The following RIMS2 variants were observed in gnomAD, a reference collection of about 807,000 sequenced individuals.
The protein encoded by RIMS2 is regulating synaptic membrane exocytosis protein 2.
RIMS2 carries 59 observed loss-of-function variants against 174.4 expected under a neutral mutation model. The observed-to-expected ratio is 0.34, with a 90% CI of 0.27 to 0.42. The LOEUF (loss-of-function observed/expected upper bound fraction) is 0.42. Among genes scored for constraint, RIMS2 ranks in the 10% least tolerant of loss-of-function variants. RIMS2 has a pLI of 1.00. For synonymous variants in RIMS2, 606 were observed against 572.5 expected, an observed-to-expected ratio of 1.06 and a Z score of -0.84; for missense variants, 1,620 against 1,666.3, an observed-to-expected ratio of 0.97 and a Z score of 0.48.
chr8:103,548,280 C>T lies in RIMS2; in HGVS notation c.176+47218C>T, dbSNP rs73285183. 5.0e-3 allele frequency among the ~76,000 whole-genome samples: 764 copies of T among 152,270 alleles called. 8 individuals carry two copies. Among genetic ancestry groups the T allele is most frequent in the African/African-American group, 0.017 (724 of 41,544 alleles). On this transcript the variant is annotated intron_variant, in intron 1 of 23. Coordinates refer to ENST00000504942, the Ensembl canonical transcript of RIMS2. ...AAATATTCAACAAAATACTAGCAGA[C>T]TGAATCTGACAGCACATCAAAAAGC...
chr8:103,660,041 G>A (rs917324156), intron 1 of RIMS2, among the ~76,000 whole-genome samples: 3 of 152,198 alleles, frequency 2.0e-5, no homozygotes, highest in Admixed American at 2.0e-4. Flanking sequence ...AGAAGATCCT[G>A]TCCTTCTGCA....
At chr8:104,201,724 G>A (rs895117334) in intron 19 of RIMS2, among the ~76,000 whole-genome samples, 15 of 152,138 alleles carry the variant, frequency 9.9e-5, no homozygotes, top group Non-Finnish European at 8.8e-5. Context: ...ATGGGTTCGG[G>A]GCATCTATTT....
chr8:103,876,887 TATATATATATATATATATATATAC>T (rs1352423318), intron 3 of RIMS2, among the ~76,000 whole-genome samples: 2 of 51,566 alleles, frequency 3.9e-5, no homozygotes, highest in East Asian at 9.3e-4. Flanking sequence ...TATATATATA[TATATATATATATATATATATATAC>T]ACACACACCC....
intron 3 of RIMS2, among the ~76,000 whole-genome samples, chr8:103,845,107 TG>T (rs2098960912): frequency 6.6e-6 from 1 of 152,154 alleles, no homozygotes; most frequent in South Asian, 2.1e-4. Flanking sequence ...ACCATTTTAT[TG>T]TTGCTTGTGA....
chr8:103,834,756 TTTTC>T (rs2098858531), intron 3 of RIMS2, among the ~76,000 whole-genome samples: 2 of 141,964 alleles, frequency 1.4e-5, no homozygotes, highest in Admixed American at 7.1e-5. Context: ...CTCTCTTTCT[TTTTC>T]TCTCTCTCTT....
intron 19 of RIMS2, among the ~76,000 whole-genome samples, chr8:104,137,187 C>T (rs984935479): frequency 6.6e-6 from 1 of 152,162 alleles, no homozygotes; most frequent in African/African-American, 2.4e-5. Context: ...CACAGACCAT[C>T]TCTGTTTATA....
intron 2 of RIMS2, among the ~76,000 whole-genome samples, chr8:103,744,840 TG>T (rs771589576): frequency 3.9e-5 from 6 of 152,212 alleles, no homozygotes; most frequent in Non-Finnish European, 5.9e-5. Flanking sequence ...TGACATCTAT[TG>T]GCTTTCCTAC....
At chr8:104,185,903 C>T (rs1291508258) in intron 19 of RIMS2, among the ~76,000 whole-genome samples, 1 of 151,524 alleles carries the variant, frequency 6.6e-6, no homozygotes, top group Admixed American at 6.6e-5. Context: ...GAGAAGAAAT[C>T]ATTATATCAA....
intron 1 of RIMS2, among the ~76,000 whole-genome samples, chr8:103,684,507 T>C (rs2096916178): frequency 6.6e-6 from 1 of 152,060 alleles, no homozygotes; most frequent in Admixed American, 6.6e-5. Flanking sequence ...TTCATTTATA[T>C]ATTGTTCATG....
Position 103,878,004 on chromosome 8 carries a change from C to A in RIMS2, c.699-7294C>A, listed in dbSNP as rs1217947869. 2.0e-5 allele frequency among the ~76,000 whole-genome samples: 3 copies of A among 151,430 alleles called. No homozygotes were observed. In the East Asian group the frequency reaches 5.8e-4, roughly 29 times the overall value. On this transcript the variant is annotated intron_variant, in intron 3 of 23. Coordinates refer to ENST00000504942, the Ensembl canonical transcript of RIMS2. ...CAAAATCTCATCTTGAATTGTAATCCCCTGGTGTTTAGGGAGAGACCTGTT... is the reference window on the plus strand; with the variant it reads ...CAAAATCTCATCTTGAATTGTAATCACCTGGTGTTTAGGGAGAGACCTGTT...
intron 2 of RIMS2, among the ~76,000 whole-genome samples, chr8:103,717,152 T>C (rs2097379472): frequency 6.7e-6 from 1 of 149,860 alleles, no homozygotes; most frequent in Non-Finnish European, 1.5e-5. Flanking sequence ...TTTTTTTTTT[T>C]TTTTTTCTTT....
At chr8:103,757,008 TGTGAGAGAGAGA>T (rs2098026721) in intron 2 of RIMS2, among the ~76,000 whole-genome samples, 2 of 123,228 alleles carry the variant, frequency 1.6e-5, no homozygotes, top group South Asian at 5.1e-4. Context: ...TGTGTGTGTG[TGTGAGAGAGAGA>T]GAGAGAGAGA....
Position 104,060,142 on chromosome 8 carries a change from A to G in RIMS2, c.3334+45527A>G, listed in dbSNP as rs1228860332. On this transcript the variant is annotated intron_variant, in intron 19 of 23. Transcript: ENST00000504942. ...ATTGATTGGAATAGTTTCAGAAGGA[A>G]TGGTATCAGTTCCTCCTTGTACCTC... Among the ~76,000 whole-genome samples the G allele has an allele frequency of 2.0e-5, 3 of 151,838 alleles. No homozygotes were observed. In the East Asian group the frequency reaches 5.8e-4, roughly 29 times the overall value.
intron 19 of RIMS2, among the ~76,000 whole-genome samples, chr8:104,157,472 G>T (rs983729474): frequency 6.6e-6 from 1 of 152,094 alleles, no homozygotes; most frequent in Non-Finnish European, 1.5e-5. Context: ...ATTATGTTGT[G>T]CAACTATCAC....
chr8:103,594,870 A>G (rs879753778), intron 1 of RIMS2, among the ~76,000 whole-genome samples: 2 of 151,832 alleles, frequency 1.3e-5, no homozygotes, highest in Non-Finnish European at 1.5e-5. Flanking sequence ...TGCTATCCCT[A>G]TAAGACATGG....
intron 17 of RIMS2, among the ~76,000 whole-genome samples, chr8:104,012,537 A>G (rs1229645788): frequency 2.0e-5 from 3 of 152,036 alleles, no homozygotes; most frequent in African/African-American, 7.2e-5. Context: ...TGATAATTTT[A>G]TTTGAAATAT....
At chr8:103,876,860 T>A (rs2099140034) in intron 3 of RIMS2, among the ~76,000 whole-genome samples, 1 of 66,848 alleles carries the variant, frequency 1.5e-5, no homozygotes, top group Non-Finnish European at 3.1e-5. Flanking sequence ...ACACACACAC[T>A]ATTTTATATA....
chr8:104,092,858 T>A (rs1214947063), intron 19 of RIMS2, among the ~76,000 whole-genome samples: 1 of 151,978 alleles, frequency 6.6e-6, no homozygotes, highest in East Asian at 1.9e-4. Context: ...ACCAGAATAT[T>A]TGAACACCCA....
At chr8:104,202,137 G>A (rs1349122225) in intron 19 of RIMS2, among the ~76,000 whole-genome samples, 4 of 152,062 alleles carry the variant, frequency 2.6e-5, no homozygotes, top group Admixed American at 1.3e-4. Flanking sequence ...ATGTAAAAAT[G>A]CAATAACAAG....
Sources: gnomAD v4.1 joint callset for allele counts (sites outside exome capture counted in the v4.1 genomes callset) on GRCh38, gnomAD v4.1.1 for gene constraint, MANE v1.5 for transcripts, NCBI Gene and HGNC (gene_info 2026-07-23, HGNC 2026-07-21) for gene names.